Variants in FKBP1A observed in about 807,000 individuals in gnomAD.
FKBP1A encodes the protein peptidyl-prolyl cis-trans isomerase FKBP1A.
Under a neutral mutation model 14.2 loss-of-function variants are expected in FKBP1A, and 5 were observed. The observed-to-expected ratio is 0.35, with a 90% CI of 0.18 to 0.74. The LOEUF (loss-of-function observed/expected upper bound fraction) is 0.74, where lower values mean the gene tolerates loss of function less well. FKBP1A is among the 30% of genes least tolerant of loss of function. FKBP1A has a pLI of 0.56. For synonymous variants in FKBP1A, 42 were observed against 49.1 expected, an observed-to-expected ratio of 0.86 and a Z score of 0.60; for missense variants, 53 against 138.8, an observed-to-expected ratio of 0.38 and a Z score of 3.10.
rs758300172 is a variant in FKBP1A at position 1,392,824 on chromosome 20, C to G, written c.85+10G>C. On this transcript the variant is annotated intron_variant, in intron 2 of 4. Transcript: ENST00000400137. Reference sequence around the variant, plus strand: ...GCCCGGGCCCCCTCCCCGCTGGGCCCCCGACTCACCGGTGTAGTGCACCAC... The same window carrying G: ...GCCCGGGCCCCCTCCCCGCTGGGCCGCCGACTCACCGGTGTAGTGCACCAC... The G allele has an allele frequency of 3.3e-6, 5 of 1,504,158 alleles. No homozygotes were observed. The South Asian group carries it at 3.7e-5, about 11-fold the overall frequency. The allele number at this position is 1,504,158 out of a possible 1,614,324, so 93.2% of individuals were successfully genotyped here.
intron 3 of FKBP1A, among the ~76,000 whole-genome samples, chr20:1,374,117 G>T (rs1310964056): frequency 6.6e-6 from 1 of 152,212 alleles, no homozygotes; most frequent in Admixed American, 6.5e-5. Context: ...TCTCCTGGGT[G>T]AGAGGGAAGC....
At chr20:1,387,049 T>C (rs1325760776) in intron 2 of FKBP1A, among the ~76,000 whole-genome samples, 1 of 152,204 alleles carries the variant, frequency 6.6e-6, no homozygotes, top group African/African-American at 2.4e-5. Flanking sequence ...CAGGTGACAA[T>C]ATTTTTAGAG....
chr20:1,376,809 C>T (rs2089550730), intron 2 of FKBP1A: 1 of 152,034 alleles, frequency 6.6e-6, no homozygotes, highest in Non-Finnish European at 1.5e-5. Context: ...TTCCCAGAAG[C>T]TGGACAAGCC....
In FKBP1A at chr20:1,375,510, C is replaced by T. The variant is rs1258612373; in HGVS notation, c.179G>A (p.Trp60Ter). The T allele has an allele frequency of 6.2e-7, 1 of 1,613,396 alleles. No homozygotes were observed. The highest frequency in any genetic ancestry group is 8.5e-7 in the Non-Finnish European group (1 of 1,179,498). ...GCATACCTGGGCAACCCCTTCTTCC[C>T]AGCCTCGGATCACCTCCTGCTTGCC... ...MLGKQEVIRG[W>*]EEGVAQMSVG... Residue 60 changes from tryptophan (W) to a stop codon, truncating the protein, a stop_gained, in exon 3 of 5, where the codon TGG becomes TAG. Transcript: ENST00000400137. LOFTEE classifies it high-confidence loss of function.
intron 2 of FKBP1A, among the ~76,000 whole-genome samples, chr20:1,389,561 C>T (rs2089708996): frequency 6.6e-6 from 1 of 152,218 alleles, no homozygotes; most frequent in Admixed American, 6.5e-5. Flanking sequence ...AGTCAACCTC[C>T]TGAGGACATG....
chr20:1,369,974 A>G lies in FKBP1A; in HGVS notation c.*135T>C, dbSNP rs1256480911. 1.2e-5 allele frequency: 18 copies of G among 1,524,224 alleles called. No individual in the cohort carries two copies. In the South Asian group the frequency reaches 1.5e-4, roughly 13 times the overall value. 94.4% of individuals were successfully genotyped at this position (1,524,224 alleles called of 1,614,324 possible). On this transcript the variant is annotated 3_prime_UTR_variant, in exon 5 of 5. Coordinates refer to ENST00000400137, the MANE Select transcript of FKBP1A (RefSeq NM_000801.5). ...GCTGAGTGACAGAACACATTCAGTC[A>G]GGGCAGATGTCTATACAAAGTGGAG...
At chr20:1,385,030 C>T (rs1247026975) in intron 2 of FKBP1A, among the ~76,000 whole-genome samples, 1 of 152,184 alleles carries the variant, frequency 6.6e-6, no homozygotes, top group African/African-American at 2.4e-5. Context: ...CTCCATTTTC[C>T]ACTTTAATCA....
intron 2 of FKBP1A, among the ~76,000 whole-genome samples, chr20:1,390,947 C>T (rs965353282): frequency 7.2e-5 from 11 of 152,350 alleles, no homozygotes; most frequent in African/African-American, 2.4e-4. Flanking sequence ...GAAAAACACA[C>T]ACTTCAAGAG....
chr20:1,370,035 G>A lies in FKBP1A; in HGVS notation c.*74C>T. The A allele has an allele frequency of 6.5e-7, 1 of 1,550,222 alleles. No individual in the cohort carries two copies. Among genetic ancestry groups the A allele is most frequent in the African/African-American group, 1.4e-5 (1 of 73,178 alleles). On this transcript the variant is annotated 3_prime_UTR_variant, in exon 5 of 5. Coordinates refer to ENST00000400137, the MANE Select transcript of FKBP1A (RefSeq NM_000801.5). ...GGAAAAGCTCCATATGGATTCATGTGCACATGTCTGGAGGCACCAGATCCC... is the reference window on the plus strand; with the variant it reads ...GGAAAAGCTCCATATGGATTCATGTACACATGTCTGGAGGCACCAGATCCC...
At position 1,370,142 on chromosome 20, in the gene FKBP1A, G is replaced by A. The variant is rs529713198; in HGVS notation, c.*37-70C>T. ...CTTTGTGTGCAGTGGCGACAGCCAC[G>A]ATGCCATCTGCCACGCCAAATCCCT... On this transcript the variant is annotated intron_variant, in intron 4 of 4. Coordinates refer to ENST00000400137, the MANE Select transcript of FKBP1A (RefSeq NM_000801.5). 1.1e-4 allele frequency: 162 copies of A among 1,524,274 alleles called. No homozygotes were observed. The East Asian group carries it at 2.6e-3, about 25-fold the overall frequency. 94.4% of individuals were successfully genotyped at this position (1,524,274 alleles called of 1,614,324 possible).
At chr20:1,374,108 C>A (rs562973847) in intron 3 of FKBP1A, among the ~76,000 whole-genome samples, 1 of 152,200 alleles carries the variant, frequency 6.6e-6, no homozygotes, top group Admixed American at 6.5e-5. Flanking sequence ...ATTTCTAATT[C>A]TCCTGGGTGA....
Position 1,392,838 on chromosome 20 carries a change from G to T in FKBP1A, c.81C>A (p.Tyr27Ter), listed in dbSNP as rs1378400122. 3 of 1,529,038 alleles carry T rather than the reference G, an allele frequency of 2.0e-6. No individual in the cohort carries two copies. Among genetic ancestry groups the T allele is most frequent in the Non-Finnish European group, 2.6e-6 (3 of 1,138,416 alleles). 94.7% of individuals were successfully genotyped at this position (1,529,038 alleles called of 1,614,324 possible). The change falls in exon 2 of 5, where the codon TAC (tyrosine) becomes TAA (stop). Residue 27 changes from tyrosine to a stop codon, truncating the protein, a stop_gained. Coordinates refer to ENST00000400137, the MANE Select transcript of FKBP1A (RefSeq NM_000801.5). LOFTEE classifies it high-confidence loss of function. ...PKRGQTCVVH[Y>*]TGMLEDGKKF... ...CCCGCTGGGCCCCCGACTCACCGGTGTAGTGCACCACGCAGGTCTGGCCGC... is the reference window on the plus strand; with the variant it reads ...CCCGCTGGGCCCCCGACTCACCGGTTTAGTGCACCACGCAGGTCTGGCCGC...
chr20:1,391,609 C>T (rs2089737738), intron 2 of FKBP1A: 3 of 398,508 alleles, frequency 7.5e-6, no homozygotes, highest in Non-Finnish European at 1.3e-5. Flanking sequence ...TTGCCTTTTC[C>T]TCTTTCCAGT....
At chr20:1,382,275 C>T (rs760137057) in intron 2 of FKBP1A, among the ~76,000 whole-genome samples, 2 of 152,148 alleles carry the variant, frequency 1.3e-5, no homozygotes, top group Non-Finnish European at 2.9e-5. Flanking sequence ...CTAAAGAAAG[C>T]GTGCCCTGCT....
At chr20:1,375,826 T>C (rs895448942) in intron 2 of FKBP1A, among the ~76,000 whole-genome samples, 1 of 152,086 alleles carries the variant, frequency 6.6e-6, no homozygotes, top group African/African-American at 2.4e-5. Flanking sequence ...ATAACTCGAC[T>C]ACAAAAGGAC....
intron 3 of FKBP1A, 31 bp downstream of exon 3, chr20:1,375,460 A>T: frequency 1.3e-6 from 2 of 1,496,446 alleles, no homozygotes; most frequent in African/African-American, 1.4e-5. Context: ...TAAATACTAG[A>T]AAGCAAAACA....
intron 4 of FKBP1A, chr20:1,370,624 G>C (rs1456121309): frequency 1.0e-6 from 1 of 985,204 alleles, no homozygotes; most frequent in Non-Finnish European, 1.2e-6. Context: ...AAACTTTCTG[G>C]GTTTGCCCTT....
intron 3 of FKBP1A, among the ~76,000 whole-genome samples, chr20:1,373,518 TGAAAAAATATGCTATGAAG>T (rs930369292): frequency 4.6e-5 from 7 of 152,154 alleles, no homozygotes; most frequent in Non-Finnish European, 1.0e-4. Flanking sequence ...ACTCACTTGG[TGAAAAAATATGCTATGAAG>T]AATTTAAAAG....
At chr20:1,382,418 C>T (rs1181049913) in intron 2 of FKBP1A, among the ~76,000 whole-genome samples, 1 of 152,208 alleles carries the variant, frequency 6.6e-6, no homozygotes, top group Non-Finnish European at 1.5e-5. Flanking sequence ...CCTGGCCGTA[C>T]AAGCCTATAA....
Sources: gnomAD v4.1 joint callset for allele counts (sites outside exome capture counted in the v4.1 genomes callset) on GRCh38, gnomAD v4.1.1 for gene constraint, MANE v1.5 for transcripts, NCBI Gene and HGNC (gene_info 2026-07-23, HGNC 2026-07-21) for gene names.